PLCL2: variants seen among roughly 807,000 people sequenced by gnomAD.
PLCL2 encodes the protein inactive phospholipase C-like protein 2.
In PLCL2, 4 loss-of-function variants were observed where a neutral mutation model predicts 79.6. The observed-to-expected ratio is 0.05, with a 90% CI of 0.02 to 0.11. The LOEUF is 0.11. Among genes scored for constraint, PLCL2 ranks in the 10% least tolerant of loss-of-function variants. The pLI is 1.00. For missense variants in PLCL2, 895 were observed against 1,291.0 expected, an observed-to-expected ratio of 0.69 and a Z score of 4.70; for synonymous variants, 484 against 457.7, an observed-to-expected ratio of 1.06 and a Z score of -0.73.
chr3:16,952,054 C>T (rs1219128464), intron 1 of PLCL2, among the ~76,000 whole-genome samples: 1 of 151,818 alleles, frequency 6.6e-6, no homozygotes, highest in Admixed American at 6.6e-5. Context: ...AACCTGAGGA[C>T]TTACAAATAT....
intron 3 of PLCL2, among the ~76,000 whole-genome samples, chr3:17,042,149 C>G (rs748216367): frequency 4.6e-5 from 7 of 151,982 alleles, no homozygotes; most frequent in Non-Finnish European, 1.0e-4. Context: ...TCTGGCTATC[C>G]CATTTCCTTT....
chr3:17,081,407 G>T (rs1383414537), intron 5 of PLCL2: 7 of 347,098 alleles, frequency 2.0e-5, no homozygotes, highest in Non-Finnish European at 4.0e-5. Flanking sequence ...CTGCCGCACT[G>T]GATCCCTCAC....
chr3:16,888,489 A>G (rs764148303), intron 1 of PLCL2, among the ~76,000 whole-genome samples: 9 of 152,244 alleles, frequency 5.9e-5, no homozygotes, highest in Non-Finnish European at 1.3e-4. Flanking sequence ...TATTGAAAAT[A>G]ACGGTCGACT....
chr3:17,004,517 A>T (rs974481193), intron 1 of PLCL2, among the ~76,000 whole-genome samples: 3 of 152,022 alleles, frequency 2.0e-5, no homozygotes, highest in South Asian at 4.2e-4. Flanking sequence ...GCTTTCCTTT[A>T]TATTATTTTA....
chr3:16,951,602 C>T (rs901313274), intron 1 of PLCL2, among the ~76,000 whole-genome samples: 6 of 151,630 alleles, frequency 4.0e-5, no homozygotes, highest in Non-Finnish European at 4.4e-5. Context: ...AAATTTTTGG[C>T]GACTTACTTT....
At chr3:16,910,706 T>G (rs1696859274) in intron 1 of PLCL2, among the ~76,000 whole-genome samples, 3 of 152,078 alleles carry the variant, frequency 2.0e-5, no homozygotes, top group Admixed American at 2.0e-4. Context: ...TCCTACTAGA[T>G]TTTTCCACTA....
chr3:16,980,504 C>T (rs1253607519), intron 1 of PLCL2, among the ~76,000 whole-genome samples: 2 of 148,670 alleles, frequency 1.3e-5, no homozygotes, highest in South Asian at 2.2e-4. Context: ...GACGGGGCGG[C>T]AGGGCAGAGG....
At chr3:17,084,598 T>A (rs1182625037) in intron 5 of PLCL2, among the ~76,000 whole-genome samples, 1 of 152,248 alleles carries the variant, frequency 6.6e-6, no homozygotes, top group Non-Finnish European at 1.5e-5. Context: ...ATGGGATTTA[T>A]ACTGGGTATA....
At chr3:16,941,478 C>T (rs1697682274) in intron 1 of PLCL2, among the ~76,000 whole-genome samples, 1 of 152,190 alleles carries the variant, frequency 6.6e-6, no homozygotes, top group Non-Finnish European at 1.5e-5. Flanking sequence ...CCGTGACAGT[C>T]ACGACGCCCC....
At chr3:16,956,446 G>A (rs1032489983) in intron 1 of PLCL2, among the ~76,000 whole-genome samples, 1 of 152,044 alleles carries the variant, frequency 6.6e-6, no homozygotes, top group African/African-American at 2.4e-5. Context: ...TTTTATTGAG[G>A]ATTTTTGCAT....
intron 1 of PLCL2, among the ~76,000 whole-genome samples, chr3:16,904,781 GT>G (rs11292595): frequency 0.066 from 10,090 of 152,154 alleles, 490 homozygotes; most frequent in African/African-American, 0.13. Context: ...TCTCATGATA[GT>G]GAGTGAGTTC....
intron 5 of PLCL2, among the ~76,000 whole-genome samples, chr3:17,083,524 T>G (rs1461896453): frequency 6.6e-6 from 1 of 152,182 alleles, no homozygotes; most frequent in Non-Finnish European, 1.5e-5. Context: ...CTGAAGGGTT[T>G]TGAACAGAGG....
chr3:17,074,588 C>G (rs1410612833), intron 5 of PLCL2, among the ~76,000 whole-genome samples: 1 of 152,198 alleles, frequency 6.6e-6, no homozygotes, highest in Non-Finnish European at 1.5e-5. Flanking sequence ...CATGAAAGCC[C>G]TAGATGGCAT....
At chr3:16,943,660 T>G (rs1317775379) in intron 1 of PLCL2, among the ~76,000 whole-genome samples, 1 of 152,236 alleles carries the variant, frequency 6.6e-6, no homozygotes, top group Non-Finnish European at 1.5e-5. Context: ...TTTAAAAGAT[T>G]GTTCTAAAAT....
chr3:16,904,343 A>T (rs1469654812), intron 1 of PLCL2, among the ~76,000 whole-genome samples: 1 of 150,886 alleles, frequency 6.6e-6, no homozygotes, highest in Non-Finnish European at 1.5e-5. Context: ...CATTTTGTTA[A>T]CACTTACGTT....
At chr3:16,959,025 C>T (rs934972669) in intron 1 of PLCL2, among the ~76,000 whole-genome samples, 1 of 152,204 alleles carries the variant, frequency 6.6e-6, no homozygotes, top group African/African-American at 2.4e-5. Flanking sequence ...TCCAGCTTCC[C>T]AACCAGTAGC....
intron 1 of PLCL2, among the ~76,000 whole-genome samples, chr3:17,006,590 A>G (rs952246246): frequency 6.6e-6 from 1 of 152,202 alleles, no homozygotes; most frequent in African/African-American, 2.4e-5. Flanking sequence ...TTGGTGTGCT[A>G]TGGAGACAGT....
chr3:16,992,824 A>G (rs1489859550), intron 1 of PLCL2, among the ~76,000 whole-genome samples: 3 of 152,232 alleles, frequency 2.0e-5, no homozygotes, highest in African/African-American at 7.2e-5. Flanking sequence ...GCCTCAGGAA[A>G]TAAACAAAAA....
Position 17,014,841 on chromosome 3 carries a change from A to T in PLCL2, c.2948A>T (p.Gln983Leu), listed in dbSNP as rs2064366958. 6.2e-7 allele frequency: 1 copy of T among 1,614,072 alleles called. No homozygotes were observed. Among genetic ancestry groups the T allele is most frequent in the Non-Finnish European group, 8.5e-7 (1 of 1,180,030 alleles). Residue 983 changes from glutamine to leucine, a missense_variant, in exon 3 of 6, where the codon CAG (glutamine) becomes CTG (leucine). Physicochemically the swap from Gln to Leu is moderately radical, Grantham distance 113. Coordinates refer to ENST00000615277, the MANE Select transcript of PLCL2 (RefSeq NM_001144382.2). ...CTAGTGGTCCTAAATCTCAGCGAGCAGTACCCCACAATGGAGCTGCAGGGA... is the reference window on the plus strand; with the variant it reads ...CTAGTGGTCCTAAATCTCAGCGAGCTGTACCCCACAATGGAGCTGCAGGGA... ...TPLVVLNLSE[Q>L]YPTMELQGIV...
Sources: gnomAD v4.1 joint callset for allele counts (sites outside exome capture counted in the v4.1 genomes callset) on GRCh38, gnomAD v4.1.1 for gene constraint, MANE v1.5 for transcripts, NCBI Gene and HGNC (gene_info 2026-07-23, HGNC 2026-07-21) for gene names.